Variants in ZNF407 observed in about 807,000 individuals in gnomAD.
ZNF407 encodes the protein zinc finger protein 407.
In ZNF407, 17 loss-of-function variants were observed where a neutral mutation model predicts 131.2. That is an observed-to-expected ratio of 0.13 (90% CI 0.09 to 0.19). The LOEUF (loss-of-function observed/expected upper bound fraction) is 0.19, where lower values mean the gene tolerates loss of function less well. Ranked by LOEUF, ZNF407 falls within the 10% of genes least tolerant of loss-of-function variation. ZNF407 has a pLI of 1.00. For missense variants in ZNF407, 2,681 were observed against 2,830.6 expected (o/e 0.95, Z 1.20); for synonymous variants, 1,156 against 1,062.0 (o/e 1.09, Z -1.72).
At chr18:74,643,853 T>C (rs1235981084) in intron 3 of ZNF407, among the ~76,000 whole-genome samples, 2 of 151,986 alleles carry the variant, frequency 1.3e-5, no homozygotes, top group African/African-American at 4.8e-5. Flanking sequence ...TGTATGAACC[T>C]AGACTGATTT....
At chr18:74,783,235 AAAT>A (rs1969641864) in intron 4 of ZNF407, among the ~76,000 whole-genome samples, 1 of 152,194 alleles carries the variant, frequency 6.6e-6, no homozygotes, top group South Asian at 2.1e-4. Flanking sequence ...AATATCTCAT[AAAT>A]AATAAATGAT....
intron 3 of ZNF407, among the ~76,000 whole-genome samples, chr18:74,730,117 A>C (rs946070903): frequency 1.6e-4 from 24 of 152,196 alleles, no homozygotes; most frequent in African/African-American, 5.3e-4. Flanking sequence ...CAATGAGATC[A>C]TGTTCATGAT....
Position 74,922,542 on chromosome 18 carries a change from A to G in ZNF407, c.5428+1850A>G, listed in dbSNP as rs17055937. On this transcript the variant is annotated intron_variant, in intron 8 of 8. Transcript: ENST00000299687. Reference sequence around the variant, plus strand: ...TGAGATAATATAAAGTTCAGTTGAGATAATATTTGGGAATTCATATATTAA... The same window carrying G: ...TGAGATAATATAAAGTTCAGTTGAGGTAATATTTGGGAATTCATATATTAA... Among the ~76,000 whole-genome samples the G allele has an allele frequency of 3.4e-3, 525 of 152,348 alleles. 3 individuals are homozygous for G. The highest frequency in any genetic ancestry group is 0.012 in the African/African-American group (487 of 41,582).
intron 1 of ZNF407, among the ~76,000 whole-genome samples, chr18:74,603,796 A>G (rs1982682831): frequency 6.6e-6 from 1 of 152,218 alleles, no homozygotes; most frequent in Admixed American, 6.5e-5. Context: ...ACTGTTAAGT[A>G]ATTTCAGACT....
chr18:74,994,566 A>G (rs1320750072), intron 8 of ZNF407, among the ~76,000 whole-genome samples: 3 of 152,228 alleles, frequency 2.0e-5, no homozygotes. Context: ...CAGTGGCAGA[A>G]GGGGAGGCAG....
At chr18:74,965,002 G>A (rs773912527) in intron 8 of ZNF407, among the ~76,000 whole-genome samples, 21 of 152,316 alleles carry the variant, frequency 1.4e-4, no homozygotes, top group Non-Finnish European at 2.6e-4. Flanking sequence ...TTGGGTCTTA[G>A]ATATAGTGTA....
intron 3 of ZNF407, among the ~76,000 whole-genome samples, chr18:74,650,748 G>A (rs1420016356): frequency 6.6e-6 from 1 of 152,100 alleles, no homozygotes; most frequent in Non-Finnish European, 1.5e-5. Context: ...TTACCCCAAA[G>A]AACACATTAT....
intron 4 of ZNF407, among the ~76,000 whole-genome samples, chr18:74,823,186 T>C (rs1156624219): frequency 6.6e-6 from 1 of 152,154 alleles, no homozygotes; most frequent in Non-Finnish European, 1.5e-5. Context: ...CCACCAGGGC[T>C]GCCTTACAAG....
In ZNF407 at chr18:74,609,041, G is replaced by C. The variant is rs550124700; in HGVS notation, c.-54+11104G>C. ...TCTTTTGAGTTTGACTTTAACTGTG[G>C]GGTATTTCATATCTTGAGAAGGTTT... On this transcript the variant is annotated intron_variant, in intron 1 of 8. Coordinates refer to ENST00000299687, the MANE Select transcript of ZNF407 (RefSeq NM_017757.3). Among the ~76,000 whole-genome samples, 17 of 152,176 alleles carry C rather than the reference G, an allele frequency of 1.1e-4. No homozygotes were observed. The South Asian group carries it at 3.1e-3, about 28-fold the overall frequency.
chr18:75,057,604 CTACAGTGTCA>C (rs1973575798), intron 8 of ZNF407, among the ~76,000 whole-genome samples: 1 of 152,116 alleles, frequency 6.6e-6, no homozygotes, highest in Non-Finnish European at 1.5e-5. Context: ...AGCCTGTGTC[CTACAGTGTCA>C]TACACCAGTA....
At position 75,028,597 on chromosome 18, in the gene ZNF407, A is replaced by T. The variant is rs529114701; in HGVS notation, c.5429-34553A>T. 2.0e-3 allele frequency among the ~76,000 whole-genome samples: 304 copies of T among 152,330 alleles called. 3 individuals carry two copies. The highest frequency in any genetic ancestry group is 7.0e-3 in the African/African-American group (291 of 41,566). ...AAACAAATACCTCTAAGTGACTCTGATGCCACTGGGCCTCAGACCAACTTT... is the reference window on the plus strand; with the variant it reads ...AAACAAATACCTCTAAGTGACTCTGTTGCCACTGGGCCTCAGACCAACTTT... On this transcript the variant is annotated intron_variant, in intron 8 of 8. Coordinates refer to ENST00000299687, the MANE Select transcript of ZNF407 (RefSeq NM_017757.3).
rs972604298 is a variant in ZNF407, at chr18:74,737,189, G to A, written c.4803-44239G>A. ...AATTTATTTATTCAAGAATGTTGGAGGCATTTTTGATTTATTTGTTTTTAG... is the reference window on the plus strand; with the variant it reads ...AATTTATTTATTCAAGAATGTTGGAAGCATTTTTGATTTATTTGTTTTTAG... On this transcript the variant is annotated intron_variant, in intron 3 of 8. Transcript: ENST00000299687. Among the ~76,000 whole-genome samples the A allele has an allele frequency of 1.3e-4, 20 of 152,108 alleles. 1 individual carries two copies. Among genetic ancestry groups the A allele is most frequent in the African/African-American group, 4.8e-4 (20 of 41,416 alleles).
intron 8 of ZNF407, among the ~76,000 whole-genome samples, chr18:74,961,529 G>A (rs931558798): frequency 6.6e-6 from 1 of 151,982 alleles, no homozygotes; most frequent in African/African-American, 2.4e-5. Flanking sequence ...GACCAGCCTG[G>A]GCAACATGAT....
At chr18:74,694,887 A>G (rs781332808) in intron 3 of ZNF407, among the ~76,000 whole-genome samples, 4 of 152,156 alleles carry the variant, frequency 2.6e-5, no homozygotes, top group Non-Finnish European at 5.9e-5. Flanking sequence ...AAAGTATTTT[A>G]TCATACTATA....
At chr18:75,004,178 G>A (rs536469843) in intron 8 of ZNF407, among the ~76,000 whole-genome samples, 10 of 152,250 alleles carry the variant, frequency 6.6e-5, no homozygotes, top group East Asian at 3.9e-4. Flanking sequence ...GCCTCTCCGC[G>A]GTGCACGTCG....
At chr18:74,671,667 A>G (rs1395212706) in intron 3 of ZNF407, among the ~76,000 whole-genome samples, 2 of 152,146 alleles carry the variant, frequency 1.3e-5, no homozygotes, top group Non-Finnish European at 1.5e-5. Context: ...CTCCAGCTCC[A>G]TCCATGTACC....
intron 8 of ZNF407, among the ~76,000 whole-genome samples, chr18:75,025,195 G>A (rs1180826607): frequency 6.6e-6 from 1 of 152,150 alleles, no homozygotes; most frequent in African/African-American, 2.4e-5. Context: ...AATATGTACA[G>A]CTTGGCAAAA....
At chr18:75,050,169 T>C (rs1973483220) in intron 8 of ZNF407, among the ~76,000 whole-genome samples, 2 of 152,202 alleles carry the variant, frequency 1.3e-5, no homozygotes, top group South Asian at 4.1e-4. Flanking sequence ...TATAATGCAT[T>C]AAACTTAAAA....
chr18:74,891,695 A>G (rs978001862), intron 7 of ZNF407, among the ~76,000 whole-genome samples: 8 of 152,190 alleles, frequency 5.3e-5, no homozygotes, highest in African/African-American at 1.9e-4. Context: ...TGGGTTCTTT[A>G]AAAAACAAAC....
Sources: allele counts gnomAD v4.1 joint callset (sites outside exome capture counted in the v4.1 genomes callset), GRCh38; gene constraint gnomAD v4.1.1; transcripts MANE v1.5; gene names NCBI Gene and HGNC (gene_info 2026-07-23, HGNC 2026-07-21).